The following CACNA2D3 variants were observed in gnomAD, a reference collection of about 807,000 sequenced individuals.
CACNA2D3 encodes the protein voltage-dependent calcium channel subunit alpha-2/delta-3.
Under a neutral mutation model 160.6 loss-of-function variants are expected in CACNA2D3, and 60 were observed. The observed-to-expected ratio is 0.37, with a 90% CI of 0.30 to 0.46. The LOEUF (loss-of-function observed/expected upper bound fraction) is 0.46, where lower values mean the gene tolerates loss of function less well. Among genes scored for constraint, CACNA2D3 ranks in the 20% least tolerant of loss-of-function variants. The pLI, the probability that CACNA2D3 is intolerant of heterozygous loss-of-function variation, is 1.00. For missense variants in CACNA2D3, 1,205 were observed against 1,365.0 expected (o/e 0.88, Z 1.85); for synonymous variants, 558 against 492.9 (o/e 1.13, Z -1.75).
At chr3:54,281,985 T>C (rs1379901991) in intron 2 of CACNA2D3, among the ~76,000 whole-genome samples, 1 of 152,212 alleles carries the variant, frequency 6.6e-6, no homozygotes, top group African/African-American at 2.4e-5. Flanking sequence ...ATTAAAAAGA[T>C]AGTTTATTGC....
chr3:54,122,787 C>T lies in CACNA2D3; in HGVS notation c.74C>T (p.Ala25Val). 4 of 1,231,488 alleles carry T rather than the reference C, an allele frequency of 3.2e-6. No homozygotes were observed. The highest frequency in any genetic ancestry group is 3.2e-5 in the East Asian group (1 of 31,116). 76.3% of individuals were successfully genotyped at this position (1,231,488 alleles called of 1,614,324 possible). Reference protein sequence around the residue: ...SALLAAALLYAALGDVVRSEQ... With the variant: ...SALLAAALLYVALGDVVRSEQ... Reference sequence around the variant, plus strand: ...CTTCTCGCTGCCGCGCTTCTCTACGCCGCGCTGGGGGACGTGGTGCGCTCG... The same window carrying T: ...CTTCTCGCTGCCGCGCTTCTCTACGTCGCGCTGGGGGACGTGGTGCGCTCG... The change falls in exon 1 of 38, where the codon GCC becomes GTC. Residue 25 changes from alanine to valine, a missense_variant. Coordinates refer to ENST00000474759, the MANE Select transcript of CACNA2D3 (RefSeq NM_018398.3).
intron 9 of CACNA2D3, among the ~76,000 whole-genome samples, chr3:54,618,375 G>GCGCACACA (rs371335711): frequency 5.9e-4 from 68 of 115,514 alleles, no homozygotes; most frequent in Admixed American, 5.8e-4. Context: ...ATATATATAT[G>GCGCACACA]CACACACACA....
chr3:54,286,569 A>G (rs1021771653), intron 2 of CACNA2D3, among the ~76,000 whole-genome samples: 1 of 152,202 alleles, frequency 6.6e-6, no homozygotes, highest in Non-Finnish European at 1.5e-5. Flanking sequence ...GATTCAGGAA[A>G]TACAGAGAAC....
At chr3:54,606,241 G>A (rs1575377214) in intron 9 of CACNA2D3, among the ~76,000 whole-genome samples, 1 of 152,108 alleles carries the variant, frequency 6.6e-6, no homozygotes, top group African/African-American at 2.4e-5. Context: ...GGGCTGGAGA[G>A]CAGCCTTTCT....
chr3:54,892,151 T>A (rs1006224356), intron 25 of CACNA2D3, among the ~76,000 whole-genome samples: 4 of 151,692 alleles, frequency 2.6e-5, no homozygotes, highest in African/African-American at 9.7e-5. Flanking sequence ...TGTTAATAAG[T>A]TTTTTCTATT....
At chr3:54,589,890 A>G (rs1702828198) in intron 9 of CACNA2D3, among the ~76,000 whole-genome samples, 1 of 152,220 alleles carries the variant, frequency 6.6e-6, no homozygotes, top group African/African-American at 2.4e-5. Flanking sequence ...TAAAAAATAA[A>G]AAGAATAAAA....
intron 27 of CACNA2D3, among the ~76,000 whole-genome samples, chr3:54,956,661 A>G (rs1180371940): frequency 6.6e-6 from 1 of 152,172 alleles, no homozygotes; most frequent in African/African-American, 2.4e-5. Flanking sequence ...CTCTACCTCC[A>G]GATTAGGTAA....
At position 54,204,711 on chromosome 3, in the gene CACNA2D3, G is replaced by A. The variant is rs955430236; in HGVS notation, c.204+81117G>A. On this transcript the variant is annotated intron_variant, in intron 2 of 37. Coordinates refer to ENST00000474759, the MANE Select transcript of CACNA2D3 (RefSeq NM_018398.3). Reference sequence around the variant, plus strand: ...CTTGGGAGGCTGAGGCAGGAGAATCGCTTGAACCCGGGAGGTGGAGGTTGC... The same window carrying A: ...CTTGGGAGGCTGAGGCAGGAGAATCACTTGAACCCGGGAGGTGGAGGTTGC... Among the ~76,000 whole-genome samples the A allele has an allele frequency of 4.7e-5, 7 of 147,690 alleles. No homozygotes were observed. In the South Asian group the frequency reaches 8.8e-4, roughly 18 times the overall value.
chr3:54,974,585 C>G (rs1287802205), intron 29 of CACNA2D3, among the ~76,000 whole-genome samples: 1 of 152,210 alleles, frequency 6.6e-6, no homozygotes, highest in Admixed American at 6.5e-5. Flanking sequence ...CTTCAGGTAT[C>G]TACCTGATCC....
At chr3:54,967,279 C>G (rs139923540) in intron 27 of CACNA2D3, among the ~76,000 whole-genome samples, 1 of 152,286 alleles carries the variant, frequency 6.6e-6, no homozygotes, top group East Asian at 1.9e-4. Flanking sequence ...AACAACAGCC[C>G]AAGACCTTTA....
rs573769743 is a variant in CACNA2D3, at chr3:54,788,665, T to A, written c.1380+24314T>A. On this transcript the variant is annotated intron_variant, in intron 13 of 37. Coordinates refer to ENST00000474759, the MANE Select transcript of CACNA2D3 (RefSeq NM_018398.3). ...ACGAAAGAAGTTTGAAGACTGAGGC[T>A]CCAGCCTGTGCTCTGCCATGTGCCC... Among the ~76,000 whole-genome samples the A allele has an allele frequency of 1.2e-4, 19 of 152,284 alleles. 1 individual carries two copies. Among genetic ancestry groups the A allele is most frequent in the Admixed American group, 1.1e-3 (17 of 15,286 alleles).
chr3:54,343,582 C>T (rs1698403305), intron 3 of CACNA2D3, among the ~76,000 whole-genome samples: 1 of 152,212 alleles, frequency 6.6e-6, no homozygotes, highest in South Asian at 2.1e-4. Flanking sequence ...CCACACCCAG[C>T]TAATTTCTTC....
At chr3:55,001,742 A>G (rs1575430069) in intron 31 of CACNA2D3, among the ~76,000 whole-genome samples, 1 of 152,218 alleles carries the variant, frequency 6.6e-6, no homozygotes, top group East Asian at 1.9e-4. Context: ...CAACGTTGGC[A>G]CACTTAGAGC....
At chr3:54,681,809 G>T (rs1700356792) in intron 11 of CACNA2D3, among the ~76,000 whole-genome samples, 1 of 152,144 alleles carries the variant, frequency 6.6e-6, no homozygotes, top group Non-Finnish European at 1.5e-5. Context: ...TTCCCAAGGA[G>T]CTGAGATTGC....
intron 17 of CACNA2D3, among the ~76,000 whole-genome samples, chr3:54,862,726 C>G (rs939869317): frequency 6.6e-6 from 1 of 152,032 alleles, no homozygotes; most frequent in Non-Finnish European, 1.5e-5. Context: ...TCAATGGGCC[C>G]GAACTACTTA....
chr3:55,019,882 G>T (rs1300314751), intron 35 of CACNA2D3, among the ~76,000 whole-genome samples: 1 of 151,960 alleles, frequency 6.6e-6, no homozygotes. Context: ...CTTTTTTATT[G>T]TCATAAAATA....
At chr3:54,317,521 G>C (rs1703890041) in intron 2 of CACNA2D3, among the ~76,000 whole-genome samples, 1 of 152,056 alleles carries the variant, frequency 6.6e-6, no homozygotes, top group African/African-American at 2.4e-5. Flanking sequence ...CTGAGAGCAA[G>C]AGTGGGCCAA....
intron 3 of CACNA2D3, among the ~76,000 whole-genome samples, chr3:54,370,880 A>G (rs1698915759): frequency 6.6e-6 from 1 of 150,588 alleles, no homozygotes; most frequent in Non-Finnish European, 1.5e-5. Context: ...TTTTCCTTCA[A>G]TCTCAGCATT....
chr3:54,834,676 A>G lies in CACNA2D3; in HGVS notation c.1399-2483A>G, dbSNP rs569072610. 2.5e-4 allele frequency among the ~76,000 whole-genome samples: 38 copies of G among 152,346 alleles called. No homozygotes were observed. The South Asian group carries it at 7.9e-3, about 32-fold the overall frequency. ...GCCCAAAATAATCACTTATATGATT[A>G]CCATGTATATTATTAGTCATGGTTC... On this transcript the variant is annotated intron_variant, in intron 14 of 37. Transcript: ENST00000474759.
Sources: allele counts gnomAD v4.1 joint callset (sites outside exome capture counted in the v4.1 genomes callset), GRCh38; gene constraint gnomAD v4.1.1; transcripts MANE v1.5; gene names NCBI Gene and HGNC (gene_info 2026-07-23, HGNC 2026-07-21).